The following CBFA2T3 variants were observed in gnomAD, a reference collection of about 807,000 sequenced individuals.
The protein encoded by CBFA2T3 is transcriptional corepressor CBFA2T3.
Under a neutral mutation model 58.6 loss-of-function variants are expected in CBFA2T3, and 31 were observed. The observed-to-expected ratio is 0.53, with a 90% CI of 0.40 to 0.71. The LOEUF is 0.71. CBFA2T3 is among the 30% of genes least tolerant of loss of function. CBFA2T3 has a pLI of 0.00. For missense variants in CBFA2T3, 1,076 were observed against 963.1 expected (o/e 1.12, Z -1.55); for synonymous variants, 531 against 421.9 (o/e 1.26, Z -3.17).
intron 3 of CBFA2T3, among the ~76,000 whole-genome samples, chr16:88,893,405 G>A (rs1445300255): frequency 2.6e-5 from 4 of 151,316 alleles, no homozygotes; most frequent in Non-Finnish European, 4.4e-5. Flanking sequence ...CCTGAGCAAT[G>A]TCCCAGACAG....
At chr16:88,944,486 C>T (rs1321445356) in intron 1 of CBFA2T3, among the ~76,000 whole-genome samples, 1 of 152,164 alleles carries the variant, frequency 6.6e-6, no homozygotes. Context: ...CTAGGGCCCG[C>T]GGCGCACAGC....
At chr16:88,898,381 G>T (rs1481808934) in intron 2 of CBFA2T3, among the ~76,000 whole-genome samples, 1 of 152,150 alleles carries the variant, frequency 6.6e-6, no homozygotes, top group Non-Finnish European at 1.5e-5. Flanking sequence ...GGACGCCCGG[G>T]CCGCCGTTTC....
At chr16:88,943,462 C>G (rs1030243303) in intron 1 of CBFA2T3, among the ~76,000 whole-genome samples, 5 of 152,228 alleles carry the variant, frequency 3.3e-5, no homozygotes, top group African/African-American at 1.2e-4. Context: ...ACACCACAAC[C>G]CAGGCGCTGC....
intron 1 of CBFA2T3, chr16:88,940,917 G>T (rs1462946637): frequency 7.2e-6 from 4 of 551,974 alleles, no homozygotes; most frequent in African/African-American, 2.0e-5. Context: ...CTTTGAAAAC[G>T]GCCCGTGCGC....
rs142570531 is a variant in CBFA2T3, at chr16:88,892,421, G to C, written c.444C>G (p.Phe148Leu). ...TGGACGAGGTGGCCGGGCCATTGCTGAAGCCGTTGGGTGTGCACGGTGCAC... is the reference window on the plus strand; with the variant it reads ...TGGACGAGGTGGCCGGGCCATTGCTCAAGCCGTTGGGTGTGCACGGTGCAC... The part of the protein sequence containing the change: ...INGAPCTPNG[F>L]SNGPATSSTA... Residue 148 changes from phenylalanine to leucine, a missense_variant, in exon 4 of 12, where the codon TTC becomes TTG. Physicochemically the swap from Phe to Leu is conservative, Grantham distance 22 (BLOSUM62 0). Transcript: ENST00000268679. The C allele has an allele frequency of 7.2e-4, 1,158 of 1,613,590 alleles. 5 individuals are homozygous for C. The highest frequency in any genetic ancestry group is 2.3e-4 in the Non-Finnish European group (267 of 1,180,028).
intron 1 of CBFA2T3, among the ~76,000 whole-genome samples, chr16:88,906,393 C>T (rs571344915): frequency 6.6e-5 from 10 of 152,316 alleles, no homozygotes; most frequent in African/African-American, 1.9e-4. Context: ...GAGGCCTGGC[C>T]GCATCCCCTC....
At chr16:88,905,768 G>A (rs1407931110) in intron 1 of CBFA2T3, among the ~76,000 whole-genome samples, 1 of 147,620 alleles carries the variant, frequency 6.8e-6, no homozygotes, top group South Asian at 2.2e-4. Flanking sequence ...AGGACGGTGG[G>A]GATGAGGGGG....
intron 1 of CBFA2T3, among the ~76,000 whole-genome samples, chr16:88,934,114 C>T (rs557498705): frequency 6.6e-6 from 1 of 152,270 alleles, no homozygotes; most frequent in East Asian, 1.9e-4. Flanking sequence ...CACGCCCCTT[C>T]CCTGGCATGC....
At chr16:88,888,105 G>C (rs544639769) in intron 5 of CBFA2T3, among the ~76,000 whole-genome samples, 1 of 152,066 alleles carries the variant, frequency 6.6e-6, no homozygotes. Context: ...AATCAGCTCA[G>C]TCCTTTCCCA....
chr16:88,908,159 T>C (rs1290548103), intron 1 of CBFA2T3, among the ~76,000 whole-genome samples: 4 of 152,030 alleles, frequency 2.6e-5, no homozygotes, highest in African/African-American at 9.7e-5. Flanking sequence ...CTGGCCAACA[T>C]GGTGAAACCC....
intron 1 of CBFA2T3, among the ~76,000 whole-genome samples, chr16:88,936,419 ACCCCAGCC>A (rs1971502388): frequency 6.6e-6 from 1 of 151,090 alleles, no homozygotes; most frequent in African/African-American, 2.4e-5. Context: ...ATCCACCACG[ACCCCAGCC>A]TCAGGGGCAG....
At chr16:88,919,364 G>A (rs1216908448) in intron 1 of CBFA2T3, among the ~76,000 whole-genome samples, 2 of 152,220 alleles carry the variant, frequency 1.3e-5, no homozygotes, top group South Asian at 2.1e-4. Flanking sequence ...AACTGCTGGC[G>A]AGTGTACCCT....
At chr16:88,899,031 G>A (rs763807783) in intron 2 of CBFA2T3, among the ~76,000 whole-genome samples, 1 of 152,182 alleles carries the variant, frequency 6.6e-6, no homozygotes, top group East Asian at 1.9e-4. Context: ...GAGGAGCTTG[G>A]TCTGGGTCCC....
chr16:88,895,439 A>T (rs1969847224), intron 3 of CBFA2T3, among the ~76,000 whole-genome samples: 1 of 152,190 alleles, frequency 6.6e-6, no homozygotes, highest in South Asian at 2.1e-4. Context: ...CTGCGCGGTT[A>T]TCACACACAT....
chr16:88,971,234 C>G (rs1188932996), intron 1 of CBFA2T3, among the ~76,000 whole-genome samples: 1 of 152,152 alleles, frequency 6.6e-6, no homozygotes, highest in Non-Finnish European at 1.5e-5. Flanking sequence ...CTCAGCCTCC[C>G]GAGTAGCTGG....
chr16:88,887,363 C>T (rs1969420591), intron 5 of CBFA2T3, among the ~76,000 whole-genome samples: 2 of 152,220 alleles, frequency 1.3e-5, no homozygotes, highest in African/African-American at 2.4e-5. Context: ...CCTCATCAGC[C>T]CCTCCCCAGG....
intron 1 of CBFA2T3, among the ~76,000 whole-genome samples, chr16:88,941,522 C>A (rs1178668620): frequency 7.4e-5 from 11 of 148,552 alleles, no homozygotes; most frequent in Non-Finnish European, 1.5e-4. Context: ...CCTCCGCCAC[C>A]GGGGCGGCGC....
At chr16:88,895,646 C>G (rs780213191) in intron 3 of CBFA2T3, among the ~76,000 whole-genome samples, 8 of 152,154 alleles carry the variant, frequency 5.3e-5, no homozygotes, top group East Asian at 1.9e-4. Context: ...ACGACTGCCT[C>G]CCCCGGGGCC....
At chr16:88,941,844 C>A (rs1412214301) in intron 1 of CBFA2T3, 5 of 52,394 alleles carry the variant, frequency 9.5e-5, no homozygotes, top group African/African-American at 3.1e-4. Flanking sequence ...GGAGGCTGAA[C>A]GGGAGTTGGG....
Sources: gnomAD v4.1 joint callset for allele counts (sites outside exome capture counted in the v4.1 genomes callset) on GRCh38, gnomAD v4.1.1 for gene constraint, MANE v1.5 for transcripts, NCBI Gene and HGNC (gene_info 2026-07-23, HGNC 2026-07-21) for gene names.